The following ITGA1 variants were observed in gnomAD, a reference collection of about 807,000 sequenced individuals.
The protein encoded by ITGA1 is integrin alpha-1.
Under a neutral mutation model 145.9 loss-of-function variants are expected in ITGA1, and 85 were observed. The observed-to-expected ratio is 0.58, with a 90% CI of 0.49 to 0.70. The LOEUF (loss-of-function observed/expected upper bound fraction) is 0.70. Ranked by LOEUF, ITGA1 falls within the 30% of genes least tolerant of loss-of-function variation. ITGA1 has a pLI of 0.00. For synonymous variants in ITGA1, 520 were observed against 495.3 expected (o/e 1.05, Z -0.66); for missense variants, 1,351 against 1,418.7 (o/e 0.95, Z 0.77).
At chr5:52,822,623 T>G (rs893093455) in intron 1 of ITGA1, among the ~76,000 whole-genome samples, 4 of 152,178 alleles carry the variant, frequency 2.6e-5, no homozygotes, top group African/African-American at 9.6e-5. Context: ...GTCACTTGGC[T>G]CTCCTCCCTC....
intron 1 of ITGA1, among the ~76,000 whole-genome samples, chr5:52,789,171 T>A (rs1433762294): frequency 6.6e-6 from 1 of 152,162 alleles, no homozygotes; most frequent in Non-Finnish European, 1.5e-5. Flanking sequence ...TGTAAGATTT[T>A]CCCAATAATG....
intron 1 of ITGA1, among the ~76,000 whole-genome samples, chr5:52,809,058 C>T (rs1433120430): frequency 6.6e-6 from 1 of 152,196 alleles, no homozygotes; most frequent in African/African-American, 2.4e-5. Flanking sequence ...TTTCTCTGAG[C>T]AGCATTGCTG....
chr5:52,889,293 G>T (rs1354024705), intron 8 of ITGA1, among the ~76,000 whole-genome samples: 3 of 152,006 alleles, frequency 2.0e-5, no homozygotes, highest in Non-Finnish European at 4.4e-5. Context: ...GTAGAGATGG[G>T]GTTTCACCAT....
At chr5:52,801,865 A>C in intron 1 of ITGA1, 1 of 1,511,780 alleles carries the variant, frequency 6.6e-7, no homozygotes, top group African/African-American at 1.4e-5. Context: ...AATTGAGACA[A>C]TCTTGTGTTT....
chr5:52,894,654 C>A (rs1750199678), intron 9 of ITGA1, among the ~76,000 whole-genome samples: 1 of 152,152 alleles, frequency 6.6e-6, no homozygotes, highest in Non-Finnish European at 1.5e-5. Flanking sequence ...CCAGAGAATT[C>A]TTTTCCCCTT....
chr5:52,839,222 G>A (rs371341360), intron 1 of ITGA1, among the ~76,000 whole-genome samples: 14 of 152,264 alleles, frequency 9.2e-5, no homozygotes, highest in South Asian at 2.1e-4. Context: ...AGGTGATACC[G>A]TAAGGCATAT....
rs768344931 is a variant in ITGA1 at position 52,865,007 on chromosome 5, T to C, written c.421T>C (p.Leu141=). The C allele has an allele frequency of 6.2e-7, 1 of 1,613,830 alleles. No individual in the cohort carries two copies. The highest frequency in any genetic ancestry group is 1.1e-5 in the South Asian group (1 of 91,034). The change falls in exon 5 of 29, where the codon TTG becomes CTG. Residue 141 remains leucine (L), a synonymous_variant. Coordinates refer to ENST00000282588, the MANE Select transcript of ITGA1 (RefSeq NM_181501.2). ...CTTATATGCCTATAGATGTGGACAT[T>C]TGCATTACACAACTGGAATCTGTTC... The part of the protein sequence containing the change: ...GPLYAYRCGH[L]HYTTGICSDV...
At chr5:52,844,989 G>C (rs548745913) in intron 1 of ITGA1, among the ~76,000 whole-genome samples, 6 of 152,194 alleles carry the variant, frequency 3.9e-5, no homozygotes, top group African/African-American at 1.2e-4. Context: ...CTGTTCTTCA[G>C]GCTCTTCGGT....
In ITGA1 at chr5:52,873,927, A is replaced by G. The variant is rs1288105670; in HGVS notation, c.625-7946A>G. On this transcript the variant is annotated intron_variant, in intron 6 of 28. Coordinates refer to ENST00000282588, the MANE Select transcript of ITGA1 (RefSeq NM_181501.2). Reference sequence around the variant, plus strand: ...TGGGTGCTGGTGTAACCCTGACTTAACAAGATAGATATAGAAGATAATAAT... The same window carrying G: ...TGGGTGCTGGTGTAACCCTGACTTAGCAAGATAGATATAGAAGATAATAAT... Among the ~76,000 whole-genome samples, 10 of 152,266 alleles carry G rather than the reference A, an allele frequency of 6.6e-5. No individual in the cohort carries two copies. In the East Asian group the frequency reaches 1.9e-3, roughly 29 times the overall value.
intron 20 of ITGA1, among the ~76,000 whole-genome samples, chr5:52,927,889 C>G (rs1010761217): frequency 6.6e-6 from 1 of 152,042 alleles, no homozygotes; most frequent in Non-Finnish European, 1.5e-5. Flanking sequence ...AAAGATGAGG[C>G]CTTTAGGAGG....
Position 52,849,435 on chromosome 5 carries a change from A to G in ITGA1, c.132A>G (p.Glu44=), listed in dbSNP as rs1458410922. 1.9e-6 allele frequency: 3 copies of G among 1,612,066 alleles called. No homozygotes were observed. Among genetic ancestry groups the G allele is most frequent in the Non-Finnish European group, 2.5e-6 (3 of 1,179,302 alleles). ...CAATGACTTTCAGCGGCCCGGTGGA[A>G]GACATGTTTGGATATACTGTTCAAC... The part of the protein sequence containing the change: ...KNSMTFSGPV[E]DMFGYTVQQY... Residue 44 remains glutamate, a synonymous_variant, in exon 2 of 29, where the codon GAA becomes GAG. Transcript: ENST00000282588.
At chr5:52,930,842 T>G (rs1750884858) in intron 21 of ITGA1, among the ~76,000 whole-genome samples, 1 of 152,130 alleles carries the variant, frequency 6.6e-6, no homozygotes. Context: ...GTACTGAATG[T>G]CAGTCAAGGT....
chr5:52,911,178 G>A (rs1403135308), intron 14 of ITGA1, among the ~76,000 whole-genome samples: 4 of 133,646 alleles, frequency 3.0e-5, no homozygotes, highest in Non-Finnish European at 6.2e-5. Context: ...AGTACATATT[G>A]TATATATAGT....
chr5:52,812,686 A>G (rs1404974345), intron 1 of ITGA1, among the ~76,000 whole-genome samples: 1 of 152,168 alleles, frequency 6.6e-6, no homozygotes, highest in Non-Finnish European at 1.5e-5. Context: ...AAAAATGATA[A>G]AACTGCTCTC....
chr5:52,942,059 T>G (rs752938604), intron 26 of ITGA1, among the ~76,000 whole-genome samples: 1 of 152,172 alleles, frequency 6.6e-6, no homozygotes, highest in Non-Finnish European at 1.5e-5. Flanking sequence ...TTGTTTTTGT[T>G]GGCTTTATCA....
At chr5:52,877,678 T>C (rs1749888438) in intron 6 of ITGA1, among the ~76,000 whole-genome samples, 1 of 152,246 alleles carries the variant, frequency 6.6e-6, no homozygotes, top group Non-Finnish European at 1.5e-5. Flanking sequence ...TGTGAGGTAG[T>C]CCTGCCTGGC....
intron 6 of ITGA1, among the ~76,000 whole-genome samples, chr5:52,870,339 G>T (rs533026959): frequency 6.6e-6 from 1 of 152,184 alleles, no homozygotes; most frequent in Non-Finnish European, 1.5e-5. Flanking sequence ...AAAATGAATT[G>T]TGAGAAAGAT....
chr5:52,827,799 A>C (rs1219175788), intron 1 of ITGA1, among the ~76,000 whole-genome samples: 1 of 152,216 alleles, frequency 6.6e-6, no homozygotes, highest in East Asian at 1.9e-4. Flanking sequence ...TCAATAAATT[A>C]TTTTAAGACT....
At chr5:52,845,792 A>G (rs915850711) in intron 1 of ITGA1, among the ~76,000 whole-genome samples, 3 of 152,200 alleles carry the variant, frequency 2.0e-5, no homozygotes, top group African/African-American at 7.2e-5. Context: ...CAAAGTTGAG[A>G]AACCCTGCTG....
Sources: allele counts gnomAD v4.1 joint callset (sites outside exome capture counted in the v4.1 genomes callset), GRCh38; gene constraint gnomAD v4.1.1; transcripts MANE v1.5; gene names NCBI Gene and HGNC (gene_info 2026-07-23, HGNC 2026-07-21).